DPY19L1: variants seen among roughly 807,000 people sequenced by gnomAD.
DPY19L1 encodes the protein protein C-mannosyl-transferase DPY19L1.
A neutral mutation model predicts 96.9 loss-of-function variants in DPY19L1; 35 were observed. The observed-to-expected ratio is 0.36, with a 90% confidence interval of 0.28 to 0.48. DPY19L1 has a LOEUF of 0.48. DPY19L1 is among the 20% of genes least tolerant of loss of function. DPY19L1 has a pLI of 0.99. For missense variants in DPY19L1, 521 were observed against 777.9 expected (o/e 0.67, Z 3.93); for synonymous variants, 205 against 252.6 (o/e 0.81, Z 1.79).
chr7:34,999,058 T>C (rs1166464317), intron 6 of DPY19L1, among the ~76,000 whole-genome samples: 2 of 152,176 alleles, frequency 1.3e-5, no homozygotes, highest in Admixed American at 6.5e-5. Flanking sequence ...GAGAATGTCA[T>C]TAGGGAAATA....
chr7:34,930,882 A>G lies in DPY19L1; in HGVS notation c.*691T>C, dbSNP rs1441295489. 1 of 151,948 alleles carries G rather than the reference A, an allele frequency of 6.6e-6. No homozygotes were observed. The highest frequency in any genetic ancestry group is 1.5e-5 in the Non-Finnish European group (1 of 68,024). 9.4% of individuals were successfully genotyped at this position (151,948 alleles called of 1,614,324 possible). A position where few individuals can be genotyped will look rare whatever the true frequency, so the allele number is the denominator to read the frequency against. The stretch of plus-strand genomic sequence containing the variant: ...TGACAGAAAATATGGGGAAGAGGAG[A>G]AGAGAGAGAGCAAGAGAGAGAGAGA... On this transcript the variant is annotated 3_prime_UTR_variant, in exon 22 of 22. Coordinates refer to ENST00000638088, the MANE Select transcript of DPY19L1 (RefSeq NM_001366673.1).
Position 34,931,304 on chromosome 7 carries a change from T to C in DPY19L1, c.*269A>G. 3.8e-6 allele frequency: 1 copy of C among 261,822 alleles called. No individual in the cohort carries two copies. The highest frequency in any genetic ancestry group is 7.0e-6 in the Non-Finnish European group (1 of 142,420). 16.2% of individuals were successfully genotyped at this position (261,822 alleles called of 1,614,324 possible). On this transcript the variant is annotated 3_prime_UTR_variant, in exon 22 of 22. Transcript: ENST00000638088. ...TGTGTTTTCTTTATACAGGTAGCTT[T>C]GCTCACTTTAGCACAAATATTAAAG...
chr7:34,933,794 G>C (rs1256968020), intron 21 of DPY19L1, among the ~76,000 whole-genome samples: 2 of 152,146 alleles, frequency 1.3e-5, no homozygotes, highest in African/African-American at 2.4e-5. Flanking sequence ...AGGGGACCTT[G>C]GGCCTTCAGC....
intron 6 of DPY19L1, among the ~76,000 whole-genome samples, chr7:35,004,875 T>C (rs1406896744): frequency 6.6e-6 from 1 of 152,154 alleles, no homozygotes; most frequent in Admixed American, 6.5e-5. Flanking sequence ...CAGTCAATAA[T>C]GAGACACTCC....
At chr7:34,959,908 T>TG (rs1784458994) in intron 10 of DPY19L1, among the ~76,000 whole-genome samples, 1 of 38,366 alleles carries the variant, frequency 2.6e-5, no homozygotes, top group Non-Finnish European at 4.8e-5. Context: ...AATATATATA[T>TG]ATATATATAT....
At chr7:34,951,091 G>A (rs560374445) in intron 13 of DPY19L1, among the ~76,000 whole-genome samples, 3 of 152,008 alleles carry the variant, frequency 2.0e-5, no homozygotes, top group Non-Finnish European at 2.9e-5. Context: ...TTATATGCTA[G>A]TAAAATTAAC....
chr7:34,945,844 A>G lies in DPY19L1; in HGVS notation c.1495-128T>C, dbSNP rs182566187. ...AAGTATAGAGATAACTCAGAAAATA[A>G]TAATCACAACAACATAATCTTATAT... On this transcript the variant is annotated intron_variant, in intron 15 of 21. Coordinates refer to ENST00000638088, the MANE Select transcript of DPY19L1 (RefSeq NM_001366673.1). The G allele has an allele frequency of 3.1e-5, 21 of 675,284 alleles. No homozygotes were observed. In the Admixed American group the frequency reaches 4.8e-4, roughly 15 times the overall value. The allele number at this position is 675,284 out of a possible 1,614,324, so 41.8% of individuals were successfully genotyped here. A position where few individuals can be genotyped will look rare whatever the true frequency, so the allele number is the denominator to read the frequency against.
chr7:34,990,128 T>C (rs911721727), intron 6 of DPY19L1, among the ~76,000 whole-genome samples, 187 bp from the exon 7 acceptor site: 1 of 152,236 alleles, frequency 6.6e-6, no homozygotes. Context: ...TAATCTTTTC[T>C]CATTTTTTAA....
intron 6 of DPY19L1, among the ~76,000 whole-genome samples, chr7:35,009,649 G>A (rs1785651548): frequency 6.6e-6 from 1 of 152,098 alleles, no homozygotes; most frequent in Non-Finnish European, 1.5e-5. Flanking sequence ...ACTGGATGGA[G>A]CTGAAACCAT....
chr7:34,967,017 G>A (rs777480564), intron 9 of DPY19L1, 46 bp from the exon 10 acceptor site: 16 of 1,368,690 alleles, frequency 1.2e-5, no homozygotes, highest in East Asian at 2.6e-5. Context: ...AAAATGAATA[G>A]CTACAAGAAT....
At chr7:35,033,953 C>A (rs1225668179) in intron 1 of DPY19L1, among the ~76,000 whole-genome samples, 1 of 152,002 alleles carries the variant, frequency 6.6e-6, no homozygotes, top group Non-Finnish European at 1.5e-5. Flanking sequence ...CTGCAGTGCA[C>A]AGGAAAGCCC....
At chr7:34,981,370 A>G (rs1784935497) in intron 7 of DPY19L1, among the ~76,000 whole-genome samples, 1 of 152,206 alleles carries the variant, frequency 6.6e-6, no homozygotes, top group Non-Finnish European at 1.5e-5. Flanking sequence ...ACCATTTGCA[A>G]TGGCTAATGT....
chr7:34,968,734 A>G, intron 9 of DPY19L1, among the ~76,000 whole-genome samples: 1 of 120,052 alleles, frequency 8.3e-6, no homozygotes, highest in Non-Finnish European at 1.6e-5. Flanking sequence ...GCGCCACTGC[A>G]TTCTAGCCTG....
intron 11 of DPY19L1, 84 bp downstream of exon 11, chr7:34,957,900 C>G (rs1784411539): frequency 1.4e-5 from 12 of 837,714 alleles, no homozygotes; most frequent in Non-Finnish European, 2.2e-5. Context: ...TACAGAAAAC[C>G]CTGATGAATC....
chr7:35,006,983 C>T (rs1785574931), intron 6 of DPY19L1, among the ~76,000 whole-genome samples: 1 of 152,122 alleles, frequency 6.6e-6, no homozygotes, highest in African/African-American at 2.4e-5. Context: ...CTAAAAACAA[C>T]TTTAGATACC....
At chr7:35,016,987 C>T (rs942943313) in intron 3 of DPY19L1, among the ~76,000 whole-genome samples, 4 of 150,924 alleles carry the variant, frequency 2.7e-5, no homozygotes, top group Non-Finnish European at 5.9e-5. Context: ...TATTCAAACA[C>T]ATCAACTGTT....
intron 9 of DPY19L1, among the ~76,000 whole-genome samples, chr7:34,969,020 T>C (rs1157997504): frequency 3.9e-5 from 6 of 152,128 alleles, no homozygotes; most frequent in Non-Finnish European, 8.8e-5. Context: ...TGTGTCTTTA[T>C]TCTACATGCA....
chr7:35,010,302 T>C (rs1310394798), intron 6 of DPY19L1, among the ~76,000 whole-genome samples, 166 bp downstream of exon 6: 2 of 152,212 alleles, frequency 1.3e-5, no homozygotes, highest in African/African-American at 4.8e-5. Flanking sequence ...TTAAGTGTGA[T>C]GGGCCATGGC....
chr7:35,020,267 T>C lies in DPY19L1; in HGVS notation c.299-1671A>G, dbSNP rs554728139. 4.6e-5 allele frequency among the ~76,000 whole-genome samples: 7 copies of C among 152,374 alleles called. No homozygotes were observed. In the East Asian group the frequency reaches 1.3e-3, roughly 29 times the overall value. On this transcript the variant is annotated intron_variant, in intron 1 of 21. Transcript: ENST00000638088. ...ATGCAACTTTTATCATACTGAAGACTTGCCATGCTTCTACTTTGGTAATCA... is the reference window on the plus strand; with the variant it reads ...ATGCAACTTTTATCATACTGAAGACCTGCCATGCTTCTACTTTGGTAATCA...
Sources: gnomAD v4.1 joint callset for allele counts (sites outside exome capture counted in the v4.1 genomes callset) on GRCh38, gnomAD v4.1.1 for gene constraint, MANE v1.5 for transcripts, NCBI Gene and HGNC (gene_info 2026-07-23, HGNC 2026-07-21) for gene names.